The following ZNF404 variants were observed in gnomAD, a reference collection of about 807,000 sequenced individuals.
ZNF404 encodes the protein zinc finger protein 404.
ZNF404 carries 7 observed loss-of-function variants against 7.3 expected under a neutral mutation model. That is an observed-to-expected ratio of 0.95 (90% CI 0.54 to 1.79). The LOEUF (loss-of-function observed/expected upper bound fraction) is 1.79. Among genes scored for constraint, ZNF404 ranks in the 40% most tolerant of loss-of-function variants. The probability of loss-of-function intolerance (pLI) is 0.00; values close to 1 mark genes in which losing one functional copy is unlikely to be tolerated. For missense variants in ZNF404, 560 were observed against 661.5 expected (o/e 0.85, Z 1.68); for synonymous variants, 191 against 209.9 (o/e 0.91, Z 0.78).
Position 43,875,094 on chromosome 19 carries a change from C to T in ZNF404, c.137-1017G>A, listed in dbSNP as rs1288468497. Among the ~76,000 whole-genome samples, 3 of 152,122 alleles carry T rather than the reference C, an allele frequency of 2.0e-5. No individual in the cohort carries two copies. In the East Asian group the frequency reaches 5.8e-4, roughly 29 times the overall value. On this transcript the variant is annotated intron_variant, in intron 2 of 2. Transcript: ENST00000587539. ...ATTTACTTTACAGGTGAGAAAAATGCACTTCCAAAATAGCTCAGTCAAGAA... is the reference window on the plus strand; with the variant it reads ...ATTTACTTTACAGGTGAGAAAAATGTACTTCCAAAATAGCTCAGTCAAGAA...
At chr19:43,882,287 C>T (rs1000632499) in intron 1 of ZNF404, among the ~76,000 whole-genome samples, 11 of 152,134 alleles carry the variant, frequency 7.2e-5, no homozygotes, top group African/African-American at 2.2e-4. Flanking sequence ...GGTGTAGGAA[C>T]AACTGGATAT....
At position 43,873,847 on chromosome 19, in the gene ZNF404, T is replaced by C; in HGVS notation, c.367A>G (p.Arg123Gly). The C allele has an allele frequency of 6.2e-7, 1 of 1,611,160 alleles. No individual in the cohort carries two copies. Among genetic ancestry groups the C allele is most frequent in the Non-Finnish European group, 8.5e-7 (1 of 1,179,526 alleles). The change falls in exon 3 of 3, where the codon AGA becomes GGA. Residue 123 changes from arginine (R) to glycine (G), a missense_variant. By Grantham distance (125) the Arg-to-Gly change is moderately radical. Transcript: ENST00000587539. ...KKHKSLPLHK[R>G]NNTREKSYEC... ...TATGATTTCTCTCTTGTGTTATTTC[T>C]CTTATGTAGAGGAAGGGATTTATGT...
chr19:43,873,311 A>T lies in ZNF404; in HGVS notation c.903T>A (p.Cys301Ter). 6.2e-7 allele frequency: 1 copy of T among 1,613,508 alleles called. No individual in the cohort carries two copies. Among genetic ancestry groups the T allele is most frequent in the South Asian group, 1.1e-5 (1 of 91,054 alleles). The change falls in exon 3 of 3, where the codon TGT becomes TGA. Residue 301 changes from cysteine to a stop codon, truncating the protein, a stop_gained. Transcript: ENST00000587539. LOFTEE classifies it low-confidence loss of function (END_TRUNC). ...KIHSGEKPYKCEQCEKAFVRS... is the reference protein window; with the variant it reads ...KIHSGEKPYK ...GAACAAAGGCCTTTTCACATTGTTC[A>T]CATTTATATGGTTTCTCACCAGAAT...
At chr19:43,875,932 C>T (rs1025627394) in intron 2 of ZNF404, among the ~76,000 whole-genome samples, 7 of 151,930 alleles carry the variant, frequency 4.6e-5, no homozygotes, top group Non-Finnish European at 1.0e-4. Context: ...CTATGGCTTT[C>T]AGTTATAATG....
chr19:43,874,019 T>C lies in ZNF404; in HGVS notation c.195A>G (p.Val65=). ...KLSSEKRNYE[V]NAYHQETWKR... Reference sequence around the variant, plus strand: ...TCCATGTCTCCTGATGGTACGCATTTACTTCATAATTTCTTTTTTCTGAAG... The same window carrying C: ...TCCATGTCTCCTGATGGTACGCATTCACTTCATAATTTCTTTTTTCTGAAG... The change falls in exon 3 of 3, where the codon GTA becomes GTG. Residue 65 remains valine, a synonymous_variant. Coordinates refer to ENST00000587539, the MANE Select transcript of ZNF404 (RefSeq NM_001033719.3). 6.3e-7 allele frequency: 1 copy of C among 1,587,988 alleles called. No homozygotes were observed. The highest frequency in any genetic ancestry group is 8.5e-7 in the Non-Finnish European group (1 of 1,173,460).
Position 43,873,013 on chromosome 19 carries a change from G to A in ZNF404, c.1201C>T (p.His401Tyr). Reference protein sequence around the residue: ...TFKLHSYLIQHQIIHTDLKPY... With the variant: ...TFKLHSYLIQYQIIHTDLKPY... ...TTCAAATCAGTATGAATTATCTGAT[G>A]TTGAATAAGATATGAATGAAGCTTA... Residue 401 changes from histidine (H) to tyrosine (Y), a missense_variant, in exon 3 of 3, where the codon CAT (histidine) becomes TAT (tyrosine). Transcript: ENST00000587539. 6.2e-7 allele frequency: 1 copy of A among 1,603,452 alleles called. No homozygotes were observed. Among genetic ancestry groups the A allele is most frequent in the Non-Finnish European group, 8.5e-7 (1 of 1,173,862 alleles).
chr19:43,880,272 G>T, intron 1 of ZNF404, 136 bp from the exon 2 acceptor site: 1 of 710,340 alleles, frequency 1.4e-6, no homozygotes, highest in Non-Finnish European at 2.2e-6. Flanking sequence ...TTAGATAAGA[G>T]TAAATAAATT....
chr19:43,881,092 A>G (rs762811084), intron 1 of ZNF404, among the ~76,000 whole-genome samples: 10 of 152,214 alleles, frequency 6.6e-5, no homozygotes, highest in Non-Finnish European at 1.2e-4. Context: ...CCTTAACCCA[A>G]TGAATGACAT....
In ZNF404 at chr19:43,873,572, G is replaced by A. The variant is rs775057171; in HGVS notation, c.642C>T (p.Pro214=). The change falls in exon 3 of 3, where the codon CCC becomes CCT. Residue 214 remains proline (P), a synonymous_variant. Transcript: ENST00000587539. ...QHQIIHTGMK[P]YECKQCGKAF... is the part of the protein sequence containing the mutation. ...CCTTCCCGCATTGCTTACATTCATA[G>A]GGTTTCATACCAGTATGAATTATCT... is the stretch of plus-strand genomic sequence containing the variant. 3.1e-6 allele frequency: 5 copies of A among 1,613,420 alleles called. No homozygotes were observed. The highest frequency in any genetic ancestry group is 4.2e-6 in the Non-Finnish European group (5 of 1,179,658).
Position 43,873,330 on chromosome 19 carries a change from C to T in ZNF404, c.884G>A (p.Gly295Asp), listed in dbSNP as rs2146616673. The T allele has an allele frequency of 6.2e-7, 1 of 1,613,322 alleles. No homozygotes were observed. Among genetic ancestry groups the T allele is most frequent in the Middle Eastern group, 1.7e-4 (1 of 6,058 alleles). The change falls in exon 3 of 3, where the codon GGT becomes GAT. Residue 295 changes from glycine (G) to aspartate (D), a missense_variant. Coordinates refer to ENST00000587539, the MANE Select transcript of ZNF404 (RefSeq NM_001033719.3). ...TTGTTCACATTTATATGGTTTCTCA[C>T]CAGAATGAATTTTCTTATGTTGGTA... The part of the protein sequence containing the change: ...SLYQHKKIHS[G>D]EKPYKCEQCE...
At chr19:43,883,144 A>T (rs573724076) in intron 1 of ZNF404, among the ~76,000 whole-genome samples, 2 of 152,182 alleles carry the variant, frequency 1.3e-5, no homozygotes, top group East Asian at 1.9e-4. Flanking sequence ...CTCTTATTAG[A>T]TTCATCTTTC....
Position 43,874,024 on chromosome 19 carries a change from CATA to C in ZNF404, c.187_189del (p.Tyr63del), listed in dbSNP as rs1568436257. On this transcript the variant is annotated inframe_deletion, in exon 3 of 3. Coordinates refer to ENST00000587539, the MANE Select transcript of ZNF404 (RefSeq NM_001033719.3). ...GTCTCCTGATGGTACGCATTTACTT[CATA>C]ATTTCTTTTTTCTGAAGATAACTTG... is the stretch of plus-strand genomic sequence containing the variant. 2 of 1,584,878 alleles carry C rather than the reference CATA, an allele frequency of 1.3e-6. No individual in the cohort carries two copies. Among genetic ancestry groups the C allele is most frequent in the Non-Finnish European group, 1.7e-6 (2 of 1,172,398 alleles).
chr19:43,876,823 G>A lies in ZNF404; in HGVS notation c.137-2746C>T, dbSNP rs367987951. 1.0e-3 allele frequency among the ~76,000 whole-genome samples: 153 copies of A among 152,208 alleles called. 1 individual carries two copies. Among genetic ancestry groups the A allele is most frequent in the African/African-American group, 3.4e-3 (143 of 41,520 alleles). On this transcript the variant is annotated intron_variant, in intron 2 of 2. Transcript: ENST00000587539. ...TTCTCTGGTATTCTTCCCCAAAGCCGATAATCCCAGTTTAATCATAAAAAA... is the reference window on the plus strand; with the variant it reads ...TTCTCTGGTATTCTTCCCCAAAGCCAATAATCCCAGTTTAATCATAAAAAA...
At chr19:43,877,586 A>AT (rs1261100740) in intron 2 of ZNF404, among the ~76,000 whole-genome samples, 2 of 151,682 alleles carry the variant, frequency 1.3e-5, no homozygotes, top group Non-Finnish European at 2.9e-5. Context: ...TTATTTATTT[A>AT]TTTTTTATTA....
At chr19:43,880,413 A>T (rs1181912236) in intron 1 of ZNF404, among the ~76,000 whole-genome samples, 1 of 152,198 alleles carries the variant, frequency 6.6e-6, no homozygotes, top group East Asian at 1.9e-4. Context: ...TCCAAATTAA[A>T]TAGTATATAT....
rs758565954 is a variant in ZNF404 at position 43,873,529 on chromosome 19, G to A, written c.685C>T (p.His229Tyr). ...TGAATTTTCTGATGTTCTGTAAGGT[G>A]AGAATGACGTCTAAAAGCCTTCCCG... ...QCGKAFRRHS[H>Y]LTEHQKIHVG... The change falls in exon 3 of 3, where the codon CAC (histidine) becomes TAC (tyrosine). Residue 229 changes from histidine to tyrosine, a missense_variant. Physicochemically the swap from His to Tyr is moderately conservative, Grantham distance 83. Coordinates refer to ENST00000587539, the MANE Select transcript of ZNF404 (RefSeq NM_001033719.3). 7.4e-6 allele frequency: 12 copies of A among 1,613,340 alleles called. No individual in the cohort carries two copies. In the East Asian group the frequency reaches 1.6e-4, roughly 21 times the overall value.
Position 43,872,918 on chromosome 19 carries a change from AATTG to A in ZNF404, c.1292_1295del (p.Ser431PhefsTer23). 6.2e-7 allele frequency: 1 copy of A among 1,608,166 alleles called. No individual in the cohort carries two copies. Among genetic ancestry groups the A allele is most frequent in the Non-Finnish European group, 8.5e-7 (1 of 1,176,722 alleles). On this transcript the variant is annotated frameshift_variant, in exon 3 of 3. Coordinates refer to ENST00000587539, the MANE Select transcript of ZNF404 (RefSeq NM_001033719.3). LOFTEE classifies it low-confidence loss of function (END_TRUNC). The surrounding 1 kb of genome is among the most constrained non-coding windows in gnomAD (Gnocchi z 4.4). ...ATTCATAGGGTTTCTCCCCAGCATG[AATTG>A]ATTGATGTGTCTTAAGGTCTCCAAC...
Position 43,872,963 on chromosome 19 carries a change from C to T in ZNF404, c.1251G>A (p.Gly417=), listed in dbSNP as rs1294105364. Residue 417 remains glycine (G), a synonymous_variant, in exon 3 of 3, where the codon GGG becomes GGA. Transcript: ENST00000587539. This position sits in a 1 kb window ranked among gnomAD's most constrained non-coding sequence, Gnocchi z 4.4. ...DLKPYECKQC[G]KAFSRVGDLK... ...GGTCTCCAACACGACTGAAGGCTTT[C>T]CCACATTGCTTACATTCATATGGCT... 6.2e-7 allele frequency: 1 copy of T among 1,605,640 alleles called. No individual in the cohort carries two copies. Among genetic ancestry groups the T allele is most frequent in the Admixed American group, 1.7e-5 (1 of 58,458 alleles).
rs1971854885 is a variant in ZNF404 at position 43,877,140 on chromosome 19, T to C, written c.136+2870A>G. On this transcript the variant is annotated intron_variant, in intron 2 of 2. Coordinates refer to ENST00000587539, the MANE Select transcript of ZNF404 (RefSeq NM_001033719.3). ...TTTGCATAAATGTACCATGATTATG[T>C]AAGATGTTATCATTATAGGAACCTG... Among the ~76,000 whole-genome samples the C allele has an allele frequency of 2.0e-5, 3 of 152,244 alleles. No individual in the cohort carries two copies. In the South Asian group the frequency reaches 6.2e-4, roughly 31 times the overall value.
Sources: allele counts gnomAD v4.1 joint callset (sites outside exome capture counted in the v4.1 genomes callset), GRCh38; gene constraint gnomAD v4.1.1; non-coding constraint Gnocchi (gnomAD v3.1); transcripts MANE v1.5; gene names NCBI Gene and HGNC (gene_info 2026-07-23, HGNC 2026-07-21).